Variants in MBNL1 observed in about 807,000 individuals in gnomAD.
The protein encoded by MBNL1 is muscleblind-like protein 1.
Under a neutral mutation model 42.2 loss-of-function variants are expected in MBNL1, and 8 were observed. The observed-to-expected ratio is 0.19, with a 90% CI of 0.11 to 0.34. The LOEUF is 0.34. MBNL1 is among the 10% of genes least tolerant of loss of function. The probability of loss-of-function intolerance (pLI) is 1.00; values close to 1 mark genes in which losing one functional copy is unlikely to be tolerated. For missense variants in MBNL1, 309 were observed against 495.3 expected (o/e 0.62, Z 3.57); for synonymous variants, 169 against 173.9 (o/e 0.97, Z 0.22).
At chr3:152,285,628 A>AT (rs2051150346) in intron 1 of MBNL1, among the ~76,000 whole-genome samples, 2 of 128,098 alleles carry the variant, frequency 1.6e-5, no homozygotes, top group African/African-American at 5.8e-5. Flanking sequence ...TTTTTTTTTC[A>AT]ATTTTTTTTT....
intron 2 of MBNL1, among the ~76,000 whole-genome samples, chr3:152,248,143 C>T (rs912932125): frequency 4.0e-5 from 6 of 151,880 alleles, no homozygotes; most frequent in Admixed American, 6.6e-5. Context: ...TACCTTAATT[C>T]AATCTATTTT....
intron 2 of MBNL1, among the ~76,000 whole-genome samples, chr3:152,313,334 T>G (rs1350301752): frequency 6.6e-6 from 1 of 152,132 alleles, no homozygotes; most frequent in East Asian, 1.9e-4. Flanking sequence ...ACATTTTATT[T>G]TTTATGGCAA....
intron 2 of MBNL1, among the ~76,000 whole-genome samples, chr3:152,324,152 C>T (rs910716440): frequency 2.6e-5 from 4 of 152,160 alleles, no homozygotes; most frequent in Non-Finnish European, 5.9e-5. Flanking sequence ...TCATTAATCA[C>T]ATATAAAGAA....
intron 2 of MBNL1, among the ~76,000 whole-genome samples, chr3:152,348,533 T>G (rs1045951198): frequency 5.3e-5 from 8 of 152,160 alleles, no homozygotes; most frequent in Non-Finnish European, 1.2e-4. Flanking sequence ...CATAATCTTT[T>G]GGTTGTAATT....
chr3:152,465,487 G>A lies in MBNL1; in HGVS notation c.*3121G>A, dbSNP rs965860519. The A allele has an allele frequency of 6.6e-6, 1 of 152,594 alleles. No individual in the cohort carries two copies. Among genetic ancestry groups the A allele is most frequent in the Non-Finnish European group, 1.5e-5 (1 of 68,020 alleles). The allele number at this position is 152,594 out of a possible 1,614,324, so 9.5% of individuals were successfully genotyped here. ...TCAGAAGCACTCAAAAATGCAAAAT[G>A]TGATAATGGGCACTTGTTTAAAAGA... On this transcript the variant is annotated 3_prime_UTR_variant, in exon 10 of 10. Transcript: ENST00000324210.
At chr3:152,294,446 G>T (rs1395917506) in intron 1 of MBNL1, among the ~76,000 whole-genome samples, 3 of 151,908 alleles carry the variant, frequency 2.0e-5, no homozygotes, top group African/African-American at 7.3e-5. Flanking sequence ...ACTATGCCCA[G>T]CTAATTTTTT....
intron 3 of MBNL1, among the ~76,000 whole-genome samples, chr3:152,417,070 A>G (rs1238168945): frequency 1.3e-5 from 2 of 152,236 alleles, no homozygotes; most frequent in Non-Finnish European, 2.9e-5. Flanking sequence ...TGACTTTGTA[A>G]TAAGTACAGA....
chr3:152,407,409 C>T (rs2098459834), intron 2 of MBNL1, among the ~76,000 whole-genome samples: 1 of 151,810 alleles, frequency 6.6e-6, no homozygotes, highest in African/African-American at 2.4e-5. Flanking sequence ...CTAGAGATTG[C>T]TTGCCTAGCA....
intron 3 of MBNL1, among the ~76,000 whole-genome samples, chr3:152,420,272 G>A (rs180791292): frequency 1.3e-5 from 2 of 152,322 alleles, no homozygotes; most frequent in East Asian, 1.9e-4. Context: ...TCTGCTAAGG[G>A]ACAGACTGCC....
chr3:152,249,336 T>C (rs1233388327), intron 2 of MBNL1, among the ~76,000 whole-genome samples: 2 of 141,754 alleles, frequency 1.4e-5, no homozygotes, highest in African/African-American at 2.6e-5. Context: ...GGTATCTCAT[T>C]GTGGTTTTGA....
Position 152,463,074 on chromosome 3 carries a change from T to G in MBNL1, c.*708T>G, listed in dbSNP as rs1748292236. The G allele has an allele frequency of 6.6e-6, 1 of 152,238 alleles. No individual in the cohort carries two copies. Among genetic ancestry groups the G allele is most frequent in the Admixed American group, 6.6e-5 (1 of 15,218 alleles). The allele number at this position is 152,238 out of a possible 1,614,324, so 9.4% of individuals were successfully genotyped here. ...AAATTAGAGTATTATTTCTTCAGTG[T>G]TATTGTTTTCAGAGCCACATTTTGT... is the stretch of plus-strand genomic sequence containing the variant. On this transcript the variant is annotated 3_prime_UTR_variant, in exon 10 of 10. Transcript: ENST00000324210.
At chr3:152,353,708 A>G (rs2095288638) in intron 2 of MBNL1, among the ~76,000 whole-genome samples, 1 of 113,394 alleles carries the variant, frequency 8.8e-6, no homozygotes. Context: ...GTCCATTTTG[A>G]AAATGTGGTA....
intron 2 of MBNL1, among the ~76,000 whole-genome samples, chr3:152,356,848 A>ATG (rs2095554123): frequency 1.2e-5 from 1 of 86,142 alleles, no homozygotes; most frequent in Non-Finnish European, 2.4e-5. Flanking sequence ...ATCTGGGCAT[A>ATG]TGTGTGTAGT....
chr3:152,258,590 C>G (rs2035783516), intron 2 of MBNL1, among the ~76,000 whole-genome samples: 1 of 152,196 alleles, frequency 6.6e-6, no homozygotes, highest in African/African-American at 2.4e-5. Flanking sequence ...CAGCAAAGAC[C>G]AAGGTTGCAA....
chr3:152,352,437 G>A (rs1438000341), intron 2 of MBNL1, among the ~76,000 whole-genome samples: 3 of 152,102 alleles, frequency 2.0e-5, no homozygotes, highest in Admixed American at 6.6e-5. Context: ...CCTGGCTCAC[G>A]TCTCTAGGGC....
At chr3:152,380,128 G>A (rs758748167) in intron 2 of MBNL1, among the ~76,000 whole-genome samples, 1 of 151,956 alleles carries the variant, frequency 6.6e-6, no homozygotes. Flanking sequence ...TTCCCTATTC[G>A]TCACTTACTG....
At chr3:152,409,951 A>T (rs903514287) in intron 2 of MBNL1, among the ~76,000 whole-genome samples, 1 of 152,150 alleles carries the variant, frequency 6.6e-6, no homozygotes, top group Admixed American at 6.6e-5. Flanking sequence ...TTTGTTTTCA[A>T]TTAGCTAGTT....
chr3:152,271,420 TAAGAAAA>T (rs964271208), intron 1 of MBNL1, among the ~76,000 whole-genome samples: 2 of 152,194 alleles, frequency 1.3e-5, no homozygotes, highest in African/African-American at 4.8e-5. Context: ...ATCTTCATTA[TAAGAAAA>T]AAATGCCCTT....
chr3:152,447,483 A>G, intron 5 of MBNL1, 137 bp from the exon 6 acceptor site: 2 of 368,184 alleles, frequency 5.4e-6, no homozygotes, highest in South Asian at 9.7e-5. Context: ...TGTTCATTGG[A>G]TTTTTTCCCT....
Sources: allele counts gnomAD v4.1 joint callset (sites outside exome capture counted in the v4.1 genomes callset), GRCh38; gene constraint gnomAD v4.1.1; transcripts MANE v1.5; gene names NCBI Gene and HGNC (gene_info 2026-07-23, HGNC 2026-07-21).